Variants in CSMD1 observed in about 807,000 individuals in gnomAD.
CSMD1 encodes the protein CUB and Sushi multiple domains 1.
CSMD1 carries 213 observed loss-of-function variants against 417.5 expected under a neutral mutation model. That is an observed-to-expected ratio of 0.51 (90% CI 0.46 to 0.57). The LOEUF (loss-of-function observed/expected upper bound fraction) is 0.57. CSMD1 is among the 20% of genes least tolerant of loss of function. The pLI, the probability that CSMD1 is intolerant of heterozygous loss-of-function variation, is 0.00. For synonymous variants in CSMD1, 2,862 were observed against 1,736.8 expected (o/e 1.65, Z -16.11); for missense variants, 6,923 against 4,529.7 (o/e 1.53, Z -15.17).
chr8:3,791,407 C>G (rs117000869), intron 5 of CSMD1, among the ~76,000 whole-genome samples: 2 of 152,158 alleles, frequency 1.3e-5, no homozygotes, highest in Admixed American at 6.5e-5. Context: ...ACAGGGGATT[C>G]TTAAAATTCC....
At chr8:3,642,823 T>A (rs1164919678) in intron 7 of CSMD1, among the ~76,000 whole-genome samples, 1 of 151,982 alleles carries the variant, frequency 6.6e-6, no homozygotes, top group Non-Finnish European at 1.5e-5. Flanking sequence ...AGAGATGAAA[T>A]TATACATCCA....
chr8:3,835,908 T>A (rs1240630705), intron 5 of CSMD1, among the ~76,000 whole-genome samples: 1 of 152,062 alleles, frequency 6.6e-6, no homozygotes, highest in Non-Finnish European at 1.5e-5. Flanking sequence ...AAGACTTTTT[T>A]CAACATATTT....
rs576415185 is a variant in CSMD1, at chr8:4,835,696, T to C, written c.85+158636A>G. 7.9e-5 allele frequency among the ~76,000 whole-genome samples: 12 copies of C among 152,258 alleles called. No individual in the cohort carries two copies. The South Asian group carries it at 2.3e-3, about 29-fold the overall frequency. On this transcript the variant is annotated intron_variant, in intron 1 of 69. Transcript: ENST00000635120. ...TTTTTCTTTTATTTGCCACAATGATTGTGGTCAGTATATTTTAGTTCAACA... is the reference window on the plus strand; with the variant it reads ...TTTTTCTTTTATTTGCCACAATGATCGTGGTCAGTATATTTTAGTTCAACA...
At chr8:4,368,111 G>C (rs977160832) in intron 3 of CSMD1, among the ~76,000 whole-genome samples, 18 of 152,044 alleles carry the variant, frequency 1.2e-4, no homozygotes, top group Non-Finnish European at 2.1e-4. Flanking sequence ...AGTGCTTCTA[G>C]CTTTTTCTCA....
chr8:4,075,039 T>A (rs1401185635), intron 3 of CSMD1, among the ~76,000 whole-genome samples: 3 of 152,184 alleles, frequency 2.0e-5, no homozygotes, highest in East Asian at 1.9e-4. Context: ...AACCCCAGTA[T>A]GAATGATGAG....
intron 3 of CSMD1, among the ~76,000 whole-genome samples, chr8:4,418,900 C>G (rs1052325178): frequency 2.6e-5 from 4 of 152,136 alleles, no homozygotes; most frequent in Non-Finnish European, 5.9e-5. Flanking sequence ...GCAGACCATT[C>G]TCAGCATTAT....
chr8:3,223,677 G>C (rs1798335874), intron 28 of CSMD1, 52 bp downstream of exon 28: 2 of 1,580,260 alleles, frequency 1.3e-6, no homozygotes, highest in Non-Finnish European at 1.7e-6. Flanking sequence ...GTAATTTTTA[G>C]GTATGGAATT....
At chr8:4,668,227 G>A (rs534029131) in intron 1 of CSMD1, among the ~76,000 whole-genome samples, 94 of 151,888 alleles carry the variant, frequency 6.2e-4, no homozygotes, top group African/African-American at 2.2e-3. Context: ...CTTTGATAAT[G>A]GGGCATTCCG....
intron 3 of CSMD1, among the ~76,000 whole-genome samples, chr8:4,043,691 C>G (rs909539508): frequency 6.6e-6 from 1 of 152,120 alleles, no homozygotes; most frequent in Non-Finnish European, 1.5e-5. Flanking sequence ...TTTCAGTGTT[C>G]TGAATTACAC....
intron 17 of CSMD1, among the ~76,000 whole-genome samples, chr8:3,395,864 G>A (rs1352632083): frequency 6.6e-6 from 1 of 151,992 alleles, no homozygotes; most frequent in Non-Finnish European, 1.5e-5. Flanking sequence ...TATCCTATAA[G>A]ACTTTTGCTC....
At chr8:4,631,535 C>G (rs896275365) in intron 2 of CSMD1, among the ~76,000 whole-genome samples, 1 of 151,976 alleles carries the variant, frequency 6.6e-6, no homozygotes, top group East Asian at 1.9e-4. Context: ...AATTGAGACC[C>G]TTTCTTTAGC....
intron 3 of CSMD1, among the ~76,000 whole-genome samples, chr8:4,292,947 C>A (rs977997746): frequency 5.3e-5 from 8 of 152,110 alleles, no homozygotes; most frequent in Admixed American, 3.3e-4. Flanking sequence ...CAACAAGGGA[C>A]CCACAAAGCA....
At chr8:4,088,879 C>T (rs996183567) in intron 3 of CSMD1, among the ~76,000 whole-genome samples, 1 of 152,114 alleles carries the variant, frequency 6.6e-6, no homozygotes, top group Non-Finnish European at 1.5e-5. Context: ...GTGTTCCACC[C>T]GCAATCTTCC....
intron 7 of CSMD1, among the ~76,000 whole-genome samples, chr8:3,689,487 T>C (rs1028889067): frequency 3.9e-5 from 6 of 152,204 alleles, no homozygotes; most frequent in Admixed American, 3.3e-4. Flanking sequence ...CAGAATAGTG[T>C]TTTTATTCTC....
At position 3,988,512 on chromosome 8, in the gene CSMD1, C is replaced by T. The variant is rs111725803; in HGVS notation, c.818+9391G>A. On this transcript the variant is annotated intron_variant, in intron 5 of 69. Transcript: ENST00000635120. ...AACAGCAGCACCAACCAGAGCTGAA[C>T]GATTGTCAGAAACAGAGAATCTCTG... Among the ~76,000 whole-genome samples the T allele has an allele frequency of 3.7e-3, 566 of 152,292 alleles. 5 individuals carry two copies. Among genetic ancestry groups the T allele is most frequent in the African/African-American group, 0.012 (513 of 41,548 alleles).
At chr8:3,333,665 A>C (rs914072859) in intron 23 of CSMD1, among the ~76,000 whole-genome samples, 9 of 152,148 alleles carry the variant, frequency 5.9e-5, no homozygotes, top group Non-Finnish European at 1.2e-4. Context: ...GTGCAGGCTG[A>C]ATATTTCCTT....
chr8:4,449,863 G>C (rs1402630676), intron 2 of CSMD1, among the ~76,000 whole-genome samples: 2 of 152,140 alleles, frequency 1.3e-5, no homozygotes, highest in Admixed American at 6.5e-5. Context: ...TCCTCACCCA[G>C]TTTCTTTACT....
chr8:4,159,712 C>T (rs1329072440), intron 3 of CSMD1, among the ~76,000 whole-genome samples: 1 of 152,160 alleles, frequency 6.6e-6, no homozygotes, highest in African/African-American at 2.4e-5. Context: ...CCTCAGCCTC[C>T]CGAGCAGCTG....
chr8:3,378,176 G>C (rs896645630), intron 18 of CSMD1, among the ~76,000 whole-genome samples: 3 of 152,148 alleles, frequency 2.0e-5, no homozygotes, highest in Non-Finnish European at 4.4e-5. Context: ...GGGTAGAGTA[G>C]AAAATAGTCT....
Sources: gnomAD v4.1 joint callset for allele counts (sites outside exome capture counted in the v4.1 genomes callset) on GRCh38, gnomAD v4.1.1 for gene constraint, MANE v1.5 for transcripts, NCBI Gene and HGNC (gene_info 2026-07-23, HGNC 2026-07-21) for gene names.